Variants in OSBP2 observed in about 807,000 individuals in gnomAD.
OSBP2 encodes the protein oxysterol-binding protein 2.
A neutral mutation model predicts 96.0 loss-of-function variants in OSBP2; 66 were observed. That is an observed-to-expected ratio of 0.69 (90% CI 0.56 to 0.84). The LOEUF is 0.84. Ranked by LOEUF, OSBP2 falls within the 40% of genes least tolerant of loss-of-function variation. The pLI, the probability that OSBP2 is intolerant of heterozygous loss-of-function variation, is 0.00. For missense variants in OSBP2, 1,038 were observed against 1,222.7 expected (o/e 0.85, Z 2.25); for synonymous variants, 525 against 520.9 (o/e 1.01, Z -0.11).
At chr22:30,821,648 C>T (rs887733740) in intron 2 of OSBP2, among the ~76,000 whole-genome samples, 3 of 152,028 alleles carry the variant, frequency 2.0e-5, no homozygotes, top group Non-Finnish European at 4.4e-5. Context: ...ACACATCCCA[C>T]GGAGATTTCG....
chr22:30,715,173 A>G (rs2089428104), intron 1 of OSBP2, among the ~76,000 whole-genome samples: 1 of 152,012 alleles, frequency 6.6e-6, no homozygotes, highest in Non-Finnish European at 1.5e-5. Flanking sequence ...CTGAGATTAC[A>G]GGCATGGGCT....
intron 2 of OSBP2, among the ~76,000 whole-genome samples, chr22:30,856,630 G>A (rs903167066): frequency 6.6e-5 from 10 of 151,626 alleles, no homozygotes; most frequent in Non-Finnish European, 1.5e-5. Context: ...CAAGTGATCC[G>A]CCTGCCGTGG....
chr22:30,717,084 C>CTTT (rs2089469407), intron 1 of OSBP2, among the ~76,000 whole-genome samples: 3 of 72,432 alleles, frequency 4.1e-5, no homozygotes, highest in East Asian at 5.7e-4. Flanking sequence ...TTTAATTTTA[C>CTTT]TGTTTTTGTG....
At chr22:30,694,034 C>T (rs2088972816), upstream of OSBP2, 5 of 1,548,034 alleles carry the variant, frequency 3.2e-6, no homozygotes, top group African/African-American at 1.4e-5. Flanking sequence ...GTCACAGCCT[C>T]CTTTGTTATG....
At chr22:30,891,803 T>A (rs1004836895) in intron 8 of OSBP2, among the ~76,000 whole-genome samples, 1 of 152,088 alleles carries the variant, frequency 6.6e-6, no homozygotes, top group African/African-American at 2.4e-5. Flanking sequence ...TTAGCAGACA[T>A]TAGGTGCCCT....
At chr22:30,726,902 G>C (rs1262550627) in intron 1 of OSBP2, among the ~76,000 whole-genome samples, 1 of 152,168 alleles carries the variant, frequency 6.6e-6, no homozygotes, top group African/African-American at 2.4e-5. Flanking sequence ...TATTTGATGG[G>C]CAGCGGCTGA....
chr22:30,793,272 C>A (rs1239246985), intron 2 of OSBP2, among the ~76,000 whole-genome samples: 3 of 151,944 alleles, frequency 2.0e-5, no homozygotes, highest in Non-Finnish European at 4.4e-5. Flanking sequence ...TGCCTGTAAT[C>A]CCAGCTACTC....
intron 1 of OSBP2, among the ~76,000 whole-genome samples, chr22:30,728,952 T>C (rs1602180836): frequency 6.6e-6 from 1 of 152,344 alleles, no homozygotes; most frequent in East Asian, 1.9e-4. Context: ...GGAATAATGT[T>C]GTGAACATTT....
In OSBP2 at chr22:30,882,506, TA is replaced by T. The variant is rs11370269; in HGVS notation, c.1108-4904del. On this transcript the variant is annotated intron_variant, in intron 3 of 13. Coordinates refer to ENST00000332585, the MANE Select transcript of OSBP2 (RefSeq NM_030758.4). The stretch of plus-strand genomic sequence containing the variant: ...ATTTCCTCCTCGGTCATGCACACTA[TA>T]AAAAAAAAAAAAAAATCTACCTCAG... Among the ~76,000 whole-genome samples the T allele has an allele frequency of 5.4e-3, 769 of 142,340 alleles. 4 individuals are homozygous for T. Among genetic ancestry groups the T allele is most frequent in the Admixed American group, 9.2e-3 (131 of 14,300 alleles). The allele number at this position is 142,340 out of a possible 152,430, so 93.4% of individuals were successfully genotyped here.
chr22:30,875,485 G>C (rs2039559887), intron 3 of OSBP2, among the ~76,000 whole-genome samples: 1 of 151,904 alleles, frequency 6.6e-6, no homozygotes, highest in African/African-American at 2.4e-5. Context: ...CTATTCTCTT[G>C]CCTCAGCCTC....
At chr22:30,796,087 C>G (rs1369301281) in intron 2 of OSBP2, among the ~76,000 whole-genome samples, 1 of 152,154 alleles carries the variant, frequency 6.6e-6, no homozygotes, top group South Asian at 2.1e-4. Flanking sequence ...TTACATTTCT[C>G]TTCTGTAGTA....
rs542826747 is a variant in OSBP2 at position 30,707,580 on chromosome 22, C to T, written c.644+12027C>T. Among the ~76,000 whole-genome samples, 32 of 150,960 alleles carry T rather than the reference C, an allele frequency of 2.1e-4. No individual in the cohort carries two copies. In the South Asian group the frequency reaches 6.2e-3, roughly 29 times the overall value. ...ATACACAAAAAAAATTAGCCGGGCA[C>T]GGTGGCGGGCCCTGTAGTCCCAGCT... On this transcript the variant is annotated intron_variant, in intron 1 of 13. Transcript: ENST00000332585.
At chr22:30,905,184 C>T (rs1228804166) in intron 12 of OSBP2, among the ~76,000 whole-genome samples, 7 of 127,118 alleles carry the variant, frequency 5.5e-5, no homozygotes, top group South Asian at 5.8e-4. Context: ...CTCGAACTGT[C>T]GCCCAGGCTG....
chr22:30,894,252 GA>G, intron 12 of OSBP2: 2 of 426,382 alleles, frequency 4.7e-6, no homozygotes. Flanking sequence ...CTCCCTACAA[GA>G]AATAAAAAAC....
At chr22:30,828,610 C>T (rs1023566118) in intron 2 of OSBP2, among the ~76,000 whole-genome samples, 4 of 152,164 alleles carry the variant, frequency 2.6e-5, no homozygotes, top group African/African-American at 4.8e-5. Context: ...GAGGGCCCGA[C>T]GTGGGCAAGC....
At chr22:30,835,287 A>G (rs2038608678) in intron 2 of OSBP2, among the ~76,000 whole-genome samples, 1 of 152,086 alleles carries the variant, frequency 6.6e-6, no homozygotes, top group South Asian at 2.1e-4. Flanking sequence ...TAGTTCTTGC[A>G]TTTAGATCTA....
rs904686298 is a variant in OSBP2 at position 30,887,579 on chromosome 22, C to T, written c.1261C>T (p.Pro421Ser). Residue 421 changes from proline (P) to serine (S), a missense_variant, in exon 4 of 14, where the codon CCT (proline) becomes TCT (serine). Physicochemically the swap from Pro to Ser is moderately conservative, Grantham distance 74. Transcript: ENST00000332585. ...NSLERAFHSA[P>S]GRPANPSKSF... is the part of the protein sequence containing the mutation. Reference sequence around the variant, plus strand: ...CCTCGAGCGGGCCTTCCACAGTGCCCCTGGCCGGCCGGCCAACCCCTCCAA... The same window carrying T: ...CCTCGAGCGGGCCTTCCACAGTGCCTCTGGCCGGCCGGCCAACCCCTCCAA... The T allele has an allele frequency of 1.9e-5, 30 of 1,611,012 alleles. 2 individuals carry two copies. The highest frequency in any genetic ancestry group is 1.2e-4 in the Admixed American group (7 of 59,646).
chr22:30,893,424 A>C, intron 9 of OSBP2, 39 bp from the exon 10 acceptor site: 1 of 1,574,968 alleles, frequency 6.3e-7, no homozygotes, highest in Non-Finnish European at 8.7e-7. Context: ...AGAGCCCTGC[A>C]TGGGGGGGCA....
chr22:30,814,439 T>TG (rs952081508), intron 2 of OSBP2, among the ~76,000 whole-genome samples: 2 of 151,174 alleles, frequency 1.3e-5, no homozygotes, highest in East Asian at 1.9e-4. Flanking sequence ...GTTGGGTTTT[T>TG]TTTTTTTTTT....
Sources: allele counts gnomAD v4.1 joint callset (sites outside exome capture counted in the v4.1 genomes callset), GRCh38; gene constraint gnomAD v4.1.1; transcripts MANE v1.5; gene names NCBI Gene and HGNC (gene_info 2026-07-23, HGNC 2026-07-21).